Variants in NR5A1 observed in about 807,000 individuals in gnomAD.
NR5A1 encodes steroidogenic factor 1.
A neutral mutation model predicts 42.7 loss-of-function variants in NR5A1; 6 were observed. The ratio of observed to expected loss-of-function variants is 0.14; its 90% CI spans 0.08 to 0.28. The LOEUF (loss-of-function observed/expected upper bound fraction) is 0.28, where lower values mean the gene tolerates loss of function less well. NR5A1 is among the 10% of genes least tolerant of loss of function. The pLI, the probability that NR5A1 is intolerant of heterozygous loss-of-function variation, is 1.00. For missense variants in NR5A1, 442 were observed against 626.4 expected (o/e 0.71, Z 3.14); for synonymous variants, 274 against 277.5 (o/e 0.99, Z 0.12).
At chr9:124,494,022 G>A (rs998953848) in intron 4 of NR5A1, among the ~76,000 whole-genome samples, 1 of 152,202 alleles carries the variant, frequency 6.6e-6, no homozygotes, top group Non-Finnish European at 1.5e-5. Flanking sequence ...TGGCATTCCC[G>A]GTCCACAATC....
At chr9:124,492,965 T>G in intron 5 of NR5A1, 65 bp downstream of exon 5, 1 of 1,494,132 alleles carries the variant, frequency 6.7e-7, no homozygotes, top group Admixed American at 2.1e-5. Context: ...TCCGGGGCCC[T>G]GAATCCTGGA....
chr9:124,505,133 GC>G (rs982251855), intron 1 of NR5A1, among the ~76,000 whole-genome samples: 119 of 152,140 alleles, frequency 7.8e-4, no homozygotes, highest in Middle Eastern at 3.4e-3. Flanking sequence ...CATCCTCCAG[GC>G]CCCCCAGCCG....
intron 1 of NR5A1, among the ~76,000 whole-genome samples, chr9:124,506,584 C>T (rs2131294076): frequency 6.6e-6 from 1 of 152,286 alleles, no homozygotes. Flanking sequence ...ACACACAGGC[C>T]CCAGCCGCCG....
In NR5A1 at chr9:124,493,018, G is replaced by A. The variant is rs760054421; in HGVS notation, c.990+12C>T. ...GGGCGGGGCCCAGGGGCGGGGCCGA[G>A]GGACTGGTCACCTCCTGCCCGGTGA... On this transcript the variant is annotated intron_variant, in intron 5 of 6. Transcript: ENST00000373588. 2 of 1,581,686 alleles carry A rather than the reference G, an allele frequency of 1.3e-6. No homozygotes were observed. The highest frequency in any genetic ancestry group is 2.7e-5 in the African/African-American group (2 of 74,536).
chr9:124,482,710 C>T lies in NR5A1; in HGVS notation c.*48G>A, dbSNP rs1832147171. On this transcript the variant is annotated 3_prime_UTR_variant, in exon 7 of 7. Transcript: ENST00000373588. ...GGTGTGGCTGCGGCCCCGCCCAGGC[C>T]CCGCCCCCAGTCCCGCCCCCAGTCC... The T allele has an allele frequency of 1.8e-6, 1 of 545,888 alleles. No homozygotes were observed. Among genetic ancestry groups the T allele is most frequent in the Non-Finnish European group, 3.3e-6 (1 of 303,356 alleles). The allele number at this position is 545,888 out of a possible 1,614,324, so 33.8% of individuals were successfully genotyped here. A position where few individuals can be genotyped will look rare whatever the true frequency, so the allele number is the denominator to read the frequency against.
At chr9:124,491,338 G>T in intron 5 of NR5A1, 110 bp from the exon 6 acceptor site, 1 of 864,438 alleles carries the variant, frequency 1.2e-6, no homozygotes, top group Non-Finnish European at 1.8e-6. Flanking sequence ...GTGCAGGTCA[G>T]ATGGGCTGGC....
At chr9:124,486,049 G>T (rs999468615) in intron 6 of NR5A1, among the ~76,000 whole-genome samples, 4 of 152,152 alleles carry the variant, frequency 2.6e-5, no homozygotes, top group Non-Finnish European at 4.4e-5. Flanking sequence ...CCAGGGCCTC[G>T]GCTTTACCGG....
In NR5A1 at chr9:124,500,033, C is replaced by T. The variant is rs1832441134; in HGVS notation, c.870+57G>A. On this transcript the variant is annotated intron_variant, in intron 4 of 6. Transcript: ENST00000373588. This position sits in a 1 kb window ranked among gnomAD's most constrained non-coding sequence, Gnocchi z 6.9. ...TATCCAAAGGACAGTCGGGCTAAGG[C>T]TTGGGCAGCCGGGAGGACCATGATG... 5.0e-6 allele frequency: 8 copies of T among 1,612,612 alleles called. No individual in the cohort carries two copies. Among genetic ancestry groups the T allele is most frequent in the Non-Finnish European group, 6.8e-6 (8 of 1,179,714 alleles).
At chr9:124,491,036 C>CCCCCCCCA in intron 6 of NR5A1, 45 bp downstream of exon 6, 19 of 1,401,572 alleles carry the variant, frequency 1.4e-5, no homozygotes, top group Admixed American at 4.1e-5. Context: ...CCCACCCACC[C>CCCCCCCCA]GCCTCTGGCT....
chr9:124,486,739 C>G (rs768372590), intron 6 of NR5A1, among the ~76,000 whole-genome samples: 2 of 152,202 alleles, frequency 1.3e-5, no homozygotes, highest in African/African-American at 4.8e-5. Flanking sequence ...TGTGAAGATT[C>G]CAGCGGATAA....
chr9:124,502,792 C>T (rs1314287476), intron 3 of NR5A1, among the ~76,000 whole-genome samples: 2 of 152,162 alleles, frequency 1.3e-5, no homozygotes, highest in African/African-American at 4.8e-5. Context: ...GGAGCTCTGC[C>T]GACCCTGTGC....
intron 6 of NR5A1, among the ~76,000 whole-genome samples, chr9:124,489,479 C>T (rs1832270184): frequency 1.3e-5 from 2 of 152,202 alleles, no homozygotes; most frequent in South Asian, 2.1e-4. Flanking sequence ...GAAAGTTCAT[C>T]GTTTGCACAT....
intron 4 of NR5A1, among the ~76,000 whole-genome samples, chr9:124,494,980 G>A (rs911909204): frequency 5.3e-5 from 8 of 152,278 alleles, no homozygotes; most frequent in East Asian, 3.9e-4. Flanking sequence ...CTCCTGGGGC[G>A]TCCCTGGGGC....
In NR5A1 at chr9:124,491,062, T is replaced by A; in HGVS notation, c.1138+19A>T. 7.9e-7 allele frequency: 1 copy of A among 1,267,954 alleles called. No individual in the cohort carries two copies. 78.5% of individuals were successfully genotyped at this position (1,267,954 alleles called of 1,614,324 possible). ...GCCTCTGGCTGTCTCCACCTCTCTGTCACTGGAGCTGCACTCACCCAGGCT... is the reference window on the plus strand; with the variant it reads ...GCCTCTGGCTGTCTCCACCTCTCTGACACTGGAGCTGCACTCACCCAGGCT... On this transcript the variant is annotated intron_variant, in intron 6 of 6. Coordinates refer to ENST00000373588, the MANE Select transcript of NR5A1 (RefSeq NM_004959.5).
In NR5A1 at chr9:124,493,121, T is replaced by C; in HGVS notation, c.899A>G (p.Asn300Ser). 6.2e-7 allele frequency: 1 copy of C among 1,611,882 alleles called. No homozygotes were observed. The highest frequency in any genetic ancestry group is 8.5e-7 in the Non-Finnish European group (1 of 1,179,308). Reference protein sequence around the residue: ...EVADQMTLLQNCWSELLVFDH... With the variant: ...EVADQMTLLQSCWSELLVFDH... ...GAACACCAGCAGCTCGCTCCAGCAG[T>C]TCTGCAGCAGCGTCATCTGGTCGGC... Residue 300 changes from asparagine to serine, a missense_variant, in exon 5 of 7, where the codon AAC becomes AGC. By Grantham distance (46) the Asn-to-Ser change is conservative (BLOSUM62 1). This residue lies in a region of NR5A1 where 163 missense variants were observed against 265.8 expected (regional missense o/e 0.61). Coordinates refer to ENST00000373588, the MANE Select transcript of NR5A1 (RefSeq NM_004959.5).
chr9:124,500,701 G>T lies in NR5A1; in HGVS notation c.259C>A (p.Arg87Ser). ...AACTTGTTCCGGCCACCCCTCATAC[G>T]GTCAGCGCGCACGGCTGTGGGCAGG... ...GMRLEAVRADRMRGGRNKFGP... is the reference protein window; with the variant it reads ...GMRLEAVRADSMRGGRNKFGP... The change falls in exon 4 of 7, where the codon CGT becomes AGT. Residue 87 changes from arginine (R) to serine (S), a missense_variant. By Grantham distance (110) the Arg-to-Ser change is moderately radical. Coordinates refer to ENST00000373588, the MANE Select transcript of NR5A1 (RefSeq NM_004959.5). The surrounding 1 kb of genome is among the most constrained non-coding windows in gnomAD (Gnocchi z 6.9). The T allele has an allele frequency of 6.2e-7, 1 of 1,612,902 alleles. No individual in the cohort carries two copies. The highest frequency in any genetic ancestry group is 8.5e-7 in the Non-Finnish European group (1 of 1,180,018).
At position 124,482,517 on chromosome 9, in the gene NR5A1, G is replaced by A; in HGVS notation, c.*241C>T. 1 of 572,082 alleles carries A rather than the reference G, an allele frequency of 1.7e-6. No homozygotes were observed. Among genetic ancestry groups the A allele is most frequent in the South Asian group, 2.0e-5 (1 of 51,248 alleles). 35.4% of individuals were successfully genotyped at this position (572,082 alleles called of 1,614,324 possible). ...GGTGGTTAACAGCCACCTCCTTGGG[G>A]CACTCCAAGCAGCAGGCAAGTGCCA... On this transcript the variant is annotated 3_prime_UTR_variant, in exon 7 of 7. Transcript: ENST00000373588.
At chr9:124,494,224 A>AT (rs1164558254) in intron 4 of NR5A1, among the ~76,000 whole-genome samples, 2,240 of 152,340 alleles carry the variant, frequency 0.015, 56 homozygotes, top group African/African-American at 0.051. Flanking sequence ...GACAGCTGAC[A>AT]GTCATTCCAC....
chr9:124,499,851 GC>G (rs1832439046), intron 4 of NR5A1, among the ~76,000 whole-genome samples: 1 of 152,202 alleles, frequency 6.6e-6, no homozygotes, highest in Non-Finnish European at 1.5e-5. Flanking sequence ...AGAGATCAAA[GC>G]AGCAGTGGCT....
Sources: gnomAD v4.1 joint callset for allele counts (sites outside exome capture counted in the v4.1 genomes callset) on GRCh38, gnomAD v4.1.1 for gene constraint, gnomAD v4.1.1 regional missense constraint, Gnocchi (gnomAD v3.1) non-coding constraint, MANE v1.5 for transcripts, NCBI Gene and HGNC (gene_info 2026-07-23, HGNC 2026-07-21) for gene names.